ADTRP: variants seen among roughly 807,000 people sequenced by gnomAD.
ADTRP encodes androgen-dependent TFPI-regulating protein.
Under a neutral mutation model 27.0 loss-of-function variants are expected in ADTRP, and 20 were observed. The observed-to-expected ratio is 0.74, with a 90% confidence interval of 0.52 to 1.08. ADTRP has a LOEUF of 1.08. Ranked by LOEUF, ADTRP falls within the 50% of genes least tolerant of loss-of-function variation. ADTRP has a pLI of 0.00. For missense variants in ADTRP, 251 were observed against 275.0 expected (o/e 0.91, Z 0.62); for synonymous variants, 101 against 105.2 (o/e 0.96, Z 0.25).
chr6:11,751,159 T>C (rs1412597549), intron 3 of ADTRP, among the ~76,000 whole-genome samples: 1 of 152,220 alleles, frequency 6.6e-6, no homozygotes, highest in East Asian at 1.9e-4. Context: ...CTGACTACAT[T>C]ATTAACTGGA....
chr6:11,727,579 A>G (rs1223409344), intron 4 of ADTRP, among the ~76,000 whole-genome samples: 2 of 152,178 alleles, frequency 1.3e-5, no homozygotes, highest in Non-Finnish European at 2.9e-5. Flanking sequence ...TTTATGTAAG[A>G]TAGTCTATAA....
intron 4 of ADTRP, among the ~76,000 whole-genome samples, chr6:11,727,895 GA>G (rs1323641460): frequency 6.7e-6 from 1 of 149,312 alleles, no homozygotes; most frequent in African/African-American, 2.5e-5. Context: ...GGGAAGGTGG[GA>G]AGAGAGAGGG....
chr6:11,722,897 TTGGGAGGAGG>T (rs889106818), intron 5 of ADTRP, among the ~76,000 whole-genome samples: 6 of 151,984 alleles, frequency 3.9e-5, no homozygotes, highest in African/African-American at 1.5e-4. Flanking sequence ...TACTGCTGAG[TTGGGAGGAGG>T]TGGGAGGAGC....
intron 5 of ADTRP, among the ~76,000 whole-genome samples, chr6:11,719,241 G>A (rs1210787370): frequency 1.3e-5 from 2 of 152,250 alleles, no homozygotes; most frequent in Admixed American, 6.5e-5. Context: ...TGGAGTATGC[G>A]TTAGAAGGGC....
rs1206619205 is a variant in ADTRP at position 11,714,140 on chromosome 6, T to C, written c.*338A>G. On this transcript the variant is annotated 3_prime_UTR_variant, in exon 6 of 6. Transcript: ENST00000414691. ...GTAAACTGAAGAGTTTAAATGACTC[T>C]AAGTTCCTCTCTCTCTCTCTAGATG... 7.1e-6 allele frequency: 2 copies of C among 282,752 alleles called. No homozygotes were observed. The highest frequency in any genetic ancestry group is 1.3e-5 in the Non-Finnish European group (2 of 150,892). 17.5% of individuals were successfully genotyped at this position (282,752 alleles called of 1,614,324 possible).
chr6:11,732,514 C>T (rs1363478446), intron 4 of ADTRP, among the ~76,000 whole-genome samples: 1 of 152,196 alleles, frequency 6.6e-6, no homozygotes, highest in Non-Finnish European at 1.5e-5. Flanking sequence ...GTGGGGTTGG[C>T]AGGCACCAAA....
chr6:11,723,431 A>T lies in ADTRP; in HGVS notation c.576T>A (p.Gly192=). The change falls in exon 5 of 6, where the codon GGT becomes GGA. Residue 192 remains glycine, a synonymous_variant. Coordinates refer to ENST00000414691, the MANE Select transcript of ADTRP (RefSeq NM_032744.4). ...YPVFAKLSLL[G]LAAFFSLSYV... ...AGCTGAGAGAGAAGAAAGCTGCTAG[A>T]CCCAAGAGGCTGAGTTTGGCAAACA... 6.2e-7 allele frequency: 1 copy of T among 1,614,114 alleles called. No individual in the cohort carries two copies. Among genetic ancestry groups the T allele is most frequent in the African/African-American group, 1.3e-5 (1 of 75,030 alleles).
At chr6:11,739,903 G>C (rs570531666) in intron 3 of ADTRP, among the ~76,000 whole-genome samples, 2 of 152,080 alleles carry the variant, frequency 1.3e-5, no homozygotes, top group Admixed American at 1.3e-4. Context: ...AGTTTCCTGC[G>C]GGGACAAGAG....
intron 3 of ADTRP, among the ~76,000 whole-genome samples, chr6:11,758,578 G>GT (rs1554114785): frequency 8.3e-6 from 1 of 119,842 alleles, no homozygotes; most frequent in African/African-American, 3.2e-5. Flanking sequence ...TGTGGGGTGG[G>GT]GGGGGGGGAC....
At chr6:11,757,626 T>C (rs1403828062) in intron 3 of ADTRP, among the ~76,000 whole-genome samples, 3 of 152,310 alleles carry the variant, frequency 2.0e-5, no homozygotes, top group Admixed American at 2.0e-4. Context: ...ATCTGGTTGG[T>C]ATCCTTATAA....
chr6:11,758,575 T>TGGGGGG (rs61099475), intron 3 of ADTRP, among the ~76,000 whole-genome samples: 1 of 29,452 alleles, frequency 3.4e-5, no homozygotes, highest in Non-Finnish European at 7.1e-5. Context: ...TGTTGTGGGG[T>TGGGGGG]GGGGGGGGGG....
At chr6:11,765,716 G>T (rs1217720559) in intron 3 of ADTRP, among the ~76,000 whole-genome samples, 1 of 151,846 alleles carries the variant, frequency 6.6e-6, no homozygotes, top group African/African-American at 2.4e-5. Context: ...TGATATTCAG[G>T]TTCCAGTGAC....
intron 4 of ADTRP, among the ~76,000 whole-genome samples, chr6:11,724,732 C>A (rs1240182424): frequency 6.6e-6 from 1 of 152,238 alleles, no homozygotes; most frequent in African/African-American, 2.4e-5. Context: ...ATCAACCTTT[C>A]TGTCCCCATC....
chr6:11,758,604 G>A (rs9348975), intron 3 of ADTRP, among the ~76,000 whole-genome samples: 57,559 of 130,934 alleles, frequency 0.44, 14,430 homozygotes, highest in East Asian at 0.68. Context: ...GCATTAGGAG[G>A]TATACCTAAT....
intron 3 of ADTRP, among the ~76,000 whole-genome samples, chr6:11,748,494 G>A (rs934406219): frequency 6.6e-6 from 1 of 152,222 alleles, no homozygotes; most frequent in Non-Finnish European, 1.5e-5. Context: ...AGGTGCTAAG[G>A]ATCAGAAGGT....
At chr6:11,750,897 G>C (rs10947543) in intron 3 of ADTRP, among the ~76,000 whole-genome samples, 47,659 of 152,060 alleles carry the variant, frequency 0.31, 9,000 homozygotes, top group Non-Finnish European at 0.43. Flanking sequence ...AATCGCCCAG[G>C]CCGGATTGCA....
intron 3 of ADTRP, among the ~76,000 whole-genome samples, chr6:11,756,516 G>C (rs2113300333): frequency 6.6e-6 from 1 of 152,176 alleles, no homozygotes. Context: ...ACTGGGCAAA[G>C]AGTACACAAG....
intron 4 of ADTRP, among the ~76,000 whole-genome samples, chr6:11,732,047 C>T (rs1275695103): frequency 6.6e-6 from 1 of 152,098 alleles, no homozygotes; most frequent in African/African-American, 2.4e-5. Context: ...AAGTGAGCTA[C>T]CATATTTAAA....
In ADTRP at chr6:11,717,067, A is replaced by C. The variant is rs538575104; in HGVS notation, c.659-2555T>G. On this transcript the variant is annotated intron_variant, in intron 5 of 5. Transcript: ENST00000414691. The stretch of plus-strand genomic sequence containing the variant: ...ATAACGCATAGCTGGAAATAAGGAA[A>C]CTGTTGACTTAATAATAGATCATAT... 1.9e-5 allele frequency: 6 copies of C among 317,358 alleles called. No homozygotes were observed. The East Asian group carries it at 6.1e-4, about 32-fold the overall frequency. The allele number at this position is 317,358 out of a possible 1,614,324, so 19.7% of individuals were successfully genotyped here.
Sources: allele counts gnomAD v4.1 joint callset (sites outside exome capture counted in the v4.1 genomes callset), GRCh38; gene constraint gnomAD v4.1.1; transcripts MANE v1.5; gene names NCBI Gene and HGNC (gene_info 2026-07-23, HGNC 2026-07-21).